Variants in FAM227B observed in about 807,000 individuals in gnomAD.
FAM227B encodes the protein family with sequence similarity 227 member B.
Under a neutral mutation model 73.8 loss-of-function variants are expected in FAM227B, and 88 were observed. The ratio of observed to expected loss-of-function variants is 1.19; its 90% confidence interval spans 1.00 to 1.42. FAM227B has a LOEUF of 1.42. FAM227B is among the 40% of genes most tolerant of loss of function. The pLI, the probability that FAM227B is intolerant of heterozygous loss-of-function variation, is 0.00. For missense variants in FAM227B, 632 were observed against 590.9 expected, an observed-to-expected ratio of 1.07 and a Z score of -0.72; for synonymous variants, 210 against 190.5, an observed-to-expected ratio of 1.10 and a Z score of -0.84.
At chr15:49,387,241 C>T (rs527899261) in intron 11 of FAM227B, among the ~76,000 whole-genome samples, 1 of 151,536 alleles carries the variant, frequency 6.6e-6, no homozygotes, top group South Asian at 2.1e-4. Context: ...TCAAAAATCC[C>T]CCCCAAAATA....
chr15:49,611,166 G>C (rs758934896), intron 3 of FAM227B, 49 bp downstream of exon 3: 1 of 1,113,024 alleles, frequency 9.0e-7, no homozygotes, highest in Non-Finnish European at 1.4e-6. Flanking sequence ...CTCCATAACT[G>C]ATATTTTAAA....
chr15:49,541,834 A>C, intron 9 of FAM227B, 28 bp from the exon 10 acceptor site: 1 of 1,317,280 alleles, frequency 7.6e-7, no homozygotes, highest in South Asian at 2.4e-5. Flanking sequence ...AATTAGATTA[A>C]TTTTATATTT....
intron 11 of FAM227B, among the ~76,000 whole-genome samples, chr15:49,392,788 T>C (rs966072689): frequency 2.6e-5 from 4 of 152,220 alleles, no homozygotes; most frequent in Non-Finnish European, 5.9e-5. Context: ...CTTTACCCCT[T>C]AAGTCATAAG....
At chr15:49,422,547 A>T (rs1434228272) in intron 11 of FAM227B, 1 of 1,370,446 alleles carries the variant, frequency 7.3e-7, no homozygotes, top group Admixed American at 2.8e-5. Context: ...AGTAGTGAGT[A>T]TAAGTCACAG....
intron 11 of FAM227B, among the ~76,000 whole-genome samples, chr15:49,480,631 G>A (rs1242877067): frequency 6.6e-6 from 1 of 151,944 alleles, no homozygotes; most frequent in Non-Finnish European, 1.5e-5. Flanking sequence ...ACAGGCACCC[G>A]CCACCACACC....
Position 49,563,020 on chromosome 15 carries a change from AT to A in FAM227B, c.747+5224del, listed in dbSNP as rs1317424106. 2.0e-5 allele frequency among the ~76,000 whole-genome samples: 3 copies of A among 152,250 alleles called. No homozygotes were observed. In the East Asian group the frequency reaches 5.8e-4, roughly 29 times the overall value. On this transcript the variant is annotated intron_variant, in intron 9 of 15. Coordinates refer to ENST00000299338, the MANE Select transcript of FAM227B (RefSeq NM_152647.3). ...CAGAGCAATCAGGCAAGAAAAAGAA[AT>A]AAAAGGCATACAAATAGTAAAAGAA...
intron 5 of FAM227B, among the ~76,000 whole-genome samples, chr15:49,586,296 C>T (rs2076158432): frequency 6.6e-6 from 1 of 152,026 alleles, no homozygotes; most frequent in South Asian, 2.1e-4. Flanking sequence ...GAAAAGGACT[C>T]CCTATTCAAT....
chr15:49,331,587 A>C (rs889816590), intron 15 of FAM227B, 193 bp downstream of exon 15: 2 of 527,556 alleles, frequency 3.8e-6, no homozygotes, highest in Non-Finnish European at 6.7e-6. Context: ...GGGGAATGTG[A>C]ACATGAGTTG....
chr15:49,527,604 T>C (rs2060298981), intron 10 of FAM227B, among the ~76,000 whole-genome samples: 1 of 151,844 alleles, frequency 6.6e-6, no homozygotes, highest in South Asian at 2.1e-4. Context: ...CCTAGAAAAC[T>C]TTAAGTATTC....
At chr15:49,479,203 A>AG (rs1247723571) in intron 11 of FAM227B, among the ~76,000 whole-genome samples, 1 of 152,110 alleles carries the variant, frequency 6.6e-6, no homozygotes, top group Non-Finnish European at 1.5e-5. Context: ...AATGTGCTTG[A>AG]CATATTGCCT....
At chr15:49,362,419 TGTGA>T in intron 13 of FAM227B, among the ~76,000 whole-genome samples, 1 of 152,334 alleles carries the variant, frequency 6.6e-6, no homozygotes, top group Middle Eastern at 3.4e-3. Context: ...CCTGCAGAAC[TGTGA>T]GTCAGTTAAA....
chr15:49,588,547 C>CTATATATATATA (rs71120695), intron 4 of FAM227B, among the ~76,000 whole-genome samples: 4 of 38,052 alleles, frequency 1.1e-4, no homozygotes, highest in Non-Finnish European at 1.5e-4. Context: ...ATATTGAGGA[C>CTATATATATATA]TATATATATA....
intron 11 of FAM227B, among the ~76,000 whole-genome samples, chr15:49,451,560 T>C (rs1395513708): frequency 6.6e-6 from 1 of 152,078 alleles, no homozygotes; most frequent in African/African-American, 2.4e-5. Context: ...TATTTTTTTC[T>C]AAATCTTCTT....
chr15:49,358,893 T>C (rs1177549148), intron 13 of FAM227B, among the ~76,000 whole-genome samples: 1 of 147,874 alleles, frequency 6.8e-6, no homozygotes, highest in African/African-American at 2.5e-5. Context: ...AACAGAGATA[T>C]AGATCAATGG....
intron 4 of FAM227B, 52 bp from the exon 5 acceptor site, chr15:49,588,135 C>T: frequency 9.1e-7 from 1 of 1,104,564 alleles, no homozygotes; most frequent in South Asian, 2.7e-5. Flanking sequence ...TGAACCTCCT[C>T]TAAAAATAAA....
At chr15:49,530,515 G>C (rs2060528956) in intron 10 of FAM227B, among the ~76,000 whole-genome samples, 1 of 151,722 alleles carries the variant, frequency 6.6e-6, no homozygotes, top group South Asian at 2.1e-4. Context: ...ATGACTAAGA[G>C]ATTCTTTCTG....
intron 11 of FAM227B, among the ~76,000 whole-genome samples, chr15:49,390,369 A>G (rs2047137286): frequency 6.6e-6 from 1 of 152,080 alleles, no homozygotes; most frequent in South Asian, 2.1e-4. Flanking sequence ...GTTTGTCACT[A>G]TAGCATAATT....
intron 4 of FAM227B, among the ~76,000 whole-genome samples, chr15:49,589,322 T>C (rs1402867358): frequency 6.6e-6 from 1 of 152,108 alleles, no homozygotes; most frequent in Admixed American, 6.6e-5. Context: ...TGATGCAATC[T>C]TGCTCTCCTG....
chr15:49,369,358 C>G (rs1271084944), intron 12 of FAM227B, among the ~76,000 whole-genome samples: 2 of 152,094 alleles, frequency 1.3e-5, no homozygotes, highest in African/African-American at 4.8e-5. Flanking sequence ...CCTAATGTTT[C>G]CATTCATCCC....
Sources: allele counts gnomAD v4.1 joint callset (sites outside exome capture counted in the v4.1 genomes callset), GRCh38; gene constraint gnomAD v4.1.1; transcripts MANE v1.5; gene names NCBI Gene and HGNC (gene_info 2026-07-23, HGNC 2026-07-21).